Variants in BMAL2 observed in about 807,000 individuals in gnomAD.
BMAL2 encodes basic helix-loop-helix ARNT-like protein 2.
At chr12:27,344,778 C>A in the BMAL2 span, among the ~76,000 whole-genome samples, 3 of 152,216 alleles carry the variant, frequency 2.0e-5, no homozygotes, top group African/African-American at 7.2e-5. Context: ...GATGACATAG[C>A]AAAGTTGCTT....
the BMAL2 span, chr12:27,418,100 G>A: frequency 6.2e-7 from 1 of 1,611,716 alleles, no homozygotes; most frequent in Non-Finnish European, 8.5e-7. Flanking sequence ...GTCAAATAAG[G>A]AGTTGTTTCC....
chr12:27,393,485 C>CT, the BMAL2 span, among the ~76,000 whole-genome samples: 1 of 152,180 alleles, frequency 6.6e-6, no homozygotes, highest in Admixed American at 6.5e-5. Context: ...GCTTTAGACT[C>CT]TTTTCTCAAG....
At chr12:27,376,934 G>C in the BMAL2 span, among the ~76,000 whole-genome samples, 3 of 140,536 alleles carry the variant, frequency 2.1e-5, no homozygotes, top group Non-Finnish European at 4.5e-5. Context: ...TCGGGAGGCA[G>C]AGCTTGCAGT....
the BMAL2 span, among the ~76,000 whole-genome samples, chr12:27,393,736 C>T: frequency 2.0e-5 from 3 of 152,234 alleles, 1 homozygote; most frequent in African/African-American, 7.2e-5. Context: ...TACTATGTGC[C>T]AGGTACTATG....
the BMAL2 span, among the ~76,000 whole-genome samples, chr12:27,335,489 A>T: frequency 6.6e-6 from 1 of 152,188 alleles, no homozygotes; most frequent in African/African-American, 2.4e-5. Context: ...CACCTATGAT[A>T]GTGTAAGATC....
chr12:27,402,479 G>A, the BMAL2 span: 1 of 618,186 alleles, frequency 1.6e-6, no homozygotes, highest in Non-Finnish European at 2.7e-6. Flanking sequence ...TTGATTTCTG[G>A]TGGTGATACT....
At chr12:27,415,823 C>G in the BMAL2 span, 1 of 1,380,398 alleles carries the variant, frequency 7.2e-7, no homozygotes, top group South Asian at 1.2e-5. Context: ...AAATTTCCTT[C>G]TAAAATATGT....
chr12:27,416,072 C>T, the BMAL2 span: 1 of 666,368 alleles, frequency 1.5e-6, no homozygotes, highest in South Asian at 2.2e-5. Flanking sequence ...ATTTTGATCA[C>T]TCAGTGATTT....
At chr12:27,394,914 A>G in the BMAL2 span, among the ~76,000 whole-genome samples, 44 of 152,360 alleles carry the variant, frequency 2.9e-4, no homozygotes, top group African/African-American at 1.0e-3. Context: ...AAGTTGGTGT[A>G]TATCTGCAAG....
chr12:27,388,085 A>G, the BMAL2 span, among the ~76,000 whole-genome samples: 2 of 150,830 alleles, frequency 1.3e-5, no homozygotes, highest in African/African-American at 4.9e-5. Flanking sequence ...ACACCCACAC[A>G]TGCACACACA....
chr12:27,407,153 A>G, the BMAL2 span, among the ~76,000 whole-genome samples: 2 of 90,780 alleles, frequency 2.2e-5, no homozygotes, highest in African/African-American at 6.6e-5. Flanking sequence ...GGGAGACTTT[A>G]ACACCCCACT....
At chr12:27,366,981 G>A in the BMAL2 span, among the ~76,000 whole-genome samples, 2 of 152,200 alleles carry the variant, frequency 1.3e-5, no homozygotes, top group African/African-American at 4.8e-5. Context: ...AGACTCCCCA[G>A]TGGATGCCTG....
the BMAL2 span, among the ~76,000 whole-genome samples, chr12:27,353,280 A>G: frequency 2.0e-5 from 3 of 152,220 alleles, no homozygotes; most frequent in Non-Finnish European, 4.4e-5. Flanking sequence ...CTGTACACCT[A>G]CAACCATCTG....
the BMAL2 span, among the ~76,000 whole-genome samples, chr12:27,375,022 T>A: frequency 1.3e-5 from 2 of 152,236 alleles, no homozygotes; most frequent in African/African-American, 4.8e-5. Flanking sequence ...ATAAATTTGA[T>A]TAAATTTTCT....
chr12:27,385,396 C>T, the BMAL2 span: 1 of 722,924 alleles, frequency 1.4e-6, no homozygotes, highest in East Asian at 2.7e-5. Context: ...GAGCAAATAC[C>T]AGCAGCAGCA....
At chr12:27,338,847 C>G in the BMAL2 span, among the ~76,000 whole-genome samples, 5 of 152,334 alleles carry the variant, frequency 3.3e-5, no homozygotes, top group East Asian at 9.6e-4. Context: ...CTCACTGATT[C>G]CTGGTTCCTG....
the BMAL2 span, chr12:27,420,300 AT>A: frequency 6.5e-7 from 1 of 1,531,872 alleles, no homozygotes; most frequent in Non-Finnish European, 8.9e-7. Context: ...TTGCTTTGCC[AT>A]TTTTTATCAC....
chr12:27,334,527 G>A, the BMAL2 span, among the ~76,000 whole-genome samples: 3 of 152,182 alleles, frequency 2.0e-5, no homozygotes, highest in Non-Finnish European at 4.4e-5. Flanking sequence ...TTAAGAAAGT[G>A]TTGTCCCTTG....
chr12:27,389,220 A>G, the BMAL2 span: 2 of 1,612,806 alleles, frequency 1.2e-6, no homozygotes, highest in Non-Finnish European at 1.7e-6. Flanking sequence ...TCTTACATCC[A>G]AAAGATGTTG....
Sources: gnomAD v4.1 joint callset for allele counts (sites outside exome capture counted in the v4.1 genomes callset) on GRCh38, gnomAD v4.1.1 for gene constraint, MANE v1.5 for transcripts, NCBI Gene and HGNC (gene_info 2026-07-23, HGNC 2026-07-21) for gene names.